ACTR3C: variants seen among roughly 807,000 people sequenced by gnomAD.
ACTR3C encodes actin-related protein 3C.
Under a neutral mutation model 26.3 loss-of-function variants are expected in ACTR3C, and 18 were observed. That is an observed-to-expected ratio of 0.68 (90% CI 0.47 to 1.01). ACTR3C has a LOEUF of 1.01. Among genes scored for constraint, ACTR3C ranks in the 50% least tolerant of loss-of-function variants. The pLI is 0.00. For synonymous variants in ACTR3C, 55 were observed against 94.5 expected, an observed-to-expected ratio of 0.58 and a Z score of 2.42; for missense variants, 184 against 250.7, an observed-to-expected ratio of 0.73 and a Z score of 1.80.
intron 6 of ACTR3C, among the ~76,000 whole-genome samples, chr7:150,280,987 C>T (rs771366978): frequency 6.6e-6 from 1 of 152,202 alleles, no homozygotes; most frequent in African/African-American, 2.4e-5. Context: ...GGGAGAGAGA[C>T]GACCTCTTCT....
chr7:150,263,691 A>G (rs1833821641), intron 6 of ACTR3C, among the ~76,000 whole-genome samples: 1 of 152,132 alleles, frequency 6.6e-6, no homozygotes, highest in South Asian at 2.1e-4. Flanking sequence ...TATGAGACTG[A>G]AAACGAAGAA....
At chr7:149,993,777 C>T in the ACTR3C span, among the ~76,000 whole-genome samples, 1 of 152,198 alleles carries the variant, frequency 6.6e-6, no homozygotes, top group African/African-American at 2.4e-5. Context: ...ACAAGGCTAA[C>T]CAGGCCAACC....
intron 1 of ACTR3C, among the ~76,000 whole-genome samples, chr7:150,299,464 C>CAAAAAAAAAAA (rs759969034): frequency 6.4e-4 from 9 of 14,112 alleles, no homozygotes; most frequent in East Asian, 2.7e-3. Context: ...GACCCCCTCT[C>CAAAAAAAAAAA]AAAAAAAAAA....
chr7:150,012,317 C>T, the ACTR3C span, among the ~76,000 whole-genome samples: 149 of 131,178 alleles, frequency 1.1e-3, 5 homozygotes, highest in Middle Eastern at 3.9e-3. Context: ...ATAAATGCAT[C>T]TTTTTTTTTT....
the ACTR3C span, among the ~76,000 whole-genome samples, chr7:150,039,984 TC>T: frequency 1.6e-5 from 2 of 127,818 alleles, no homozygotes; most frequent in Non-Finnish European, 3.4e-5. Context: ...GGGGATTGCC[TC>T]CCCCACTGCG....
chr7:150,152,372 G>A, the ACTR3C span, among the ~76,000 whole-genome samples: 1 of 152,160 alleles, frequency 6.6e-6, no homozygotes, highest in East Asian at 1.9e-4. Flanking sequence ...TTTGTCAAAG[G>A]CCTTTTCTGC....
At chr7:150,081,919 C>G in the ACTR3C span, among the ~76,000 whole-genome samples, 1 of 151,876 alleles carries the variant, frequency 6.6e-6, no homozygotes. Flanking sequence ...TATTTACATT[C>G]TGCTCATGCA....
At chr7:150,102,769 T>C in the ACTR3C span, among the ~76,000 whole-genome samples, 1 of 151,808 alleles carries the variant, frequency 6.6e-6, no homozygotes, top group Admixed American at 6.6e-5. Context: ...TCACTCCTTG[T>C]TCCTCCCTTG....
At chr7:150,134,650 A>G in the ACTR3C span, among the ~76,000 whole-genome samples, 1 of 152,290 alleles carries the variant, frequency 6.6e-6, no homozygotes, top group African/African-American at 2.4e-5. Flanking sequence ...AAGCTTTTCG[A>G]CGCCACCAGA....
the ACTR3C span, among the ~76,000 whole-genome samples, chr7:149,942,349 A>T: frequency 0.23 from 34,712 of 150,750 alleles, 6,214 homozygotes; most frequent in African/African-American, 0.51. Flanking sequence ...TAAACTTCAA[A>T]AACAATGTGG....
chr7:150,280,829 T>TATATAC (rs560781725), intron 6 of ACTR3C, among the ~76,000 whole-genome samples: 19 of 150,472 alleles, frequency 1.3e-4, no homozygotes, highest in South Asian at 6.3e-4. Flanking sequence ...TATATATATA[T>TATATAC]ACACACACAC....
chr7:150,241,957 C>T (rs1277954721), downstream of ACTR3C, among the ~76,000 whole-genome samples: 2 of 152,176 alleles, frequency 1.3e-5, no homozygotes, highest in Non-Finnish European at 2.9e-5. Flanking sequence ...GTGGCTCACA[C>T]CTGTAATCCC....
intron 6 of ACTR3C, among the ~76,000 whole-genome samples, chr7:150,267,105 G>A (rs1309369259): frequency 6.6e-6 from 1 of 152,126 alleles, no homozygotes; most frequent in Non-Finnish European, 1.5e-5. Flanking sequence ...AGCAGGGGAC[G>A]GCTGACTTGT....
chr7:150,025,433 G>A, the ACTR3C span, among the ~76,000 whole-genome samples: 2 of 152,030 alleles, frequency 1.3e-5, no homozygotes, highest in Non-Finnish European at 2.9e-5. Context: ...TCAAGGGATC[G>A]AGATTTTAGA....
the ACTR3C span, among the ~76,000 whole-genome samples, chr7:150,232,405 G>C: frequency 6.6e-6 from 1 of 151,772 alleles, no homozygotes; most frequent in South Asian, 2.1e-4. Context: ...TATTTAAACT[G>C]TTTTCTATTT....
chr7:150,049,574 T>TA, the ACTR3C span, among the ~76,000 whole-genome samples: 17 of 152,274 alleles, frequency 1.1e-4, no homozygotes, highest in Non-Finnish European at 2.2e-4. Flanking sequence ...CAAGGCTGAC[T>TA]GCAGGCTCGC....
the ACTR3C span, among the ~76,000 whole-genome samples, chr7:150,125,399 A>G: frequency 7.3e-6 from 1 of 137,894 alleles, no homozygotes; most frequent in Non-Finnish European, 1.5e-5. Context: ...CTGAAACATA[A>G]CTGTTTTGGT....
chr7:150,279,020 A>G (rs1299452193), intron 6 of ACTR3C, among the ~76,000 whole-genome samples: 2 of 152,250 alleles, frequency 1.3e-5, no homozygotes, highest in African/African-American at 4.8e-5. Flanking sequence ...AAAATTAAAA[A>G]TAGAGCCGGC....
the ACTR3C span, among the ~76,000 whole-genome samples, chr7:150,009,836 T>C: frequency 0.64 from 97,227 of 152,022 alleles, 31,418 homozygotes; most frequent in East Asian, 0.88. Flanking sequence ...CTCTCCTCTG[T>C]TCTTACACTC....
Sources: allele counts gnomAD v4.1 joint callset (sites outside exome capture counted in the v4.1 genomes callset), GRCh38; gene constraint gnomAD v4.1.1; transcripts MANE v1.5; gene names NCBI Gene and HGNC (gene_info 2026-07-23, HGNC 2026-07-21).